CDH2: variants seen among roughly 807,000 people sequenced by gnomAD.
CDH2 encodes cadherin-2.
CDH2 carries 17 observed loss-of-function variants against 92.0 expected under a neutral mutation model. The observed-to-expected ratio is 0.18, with a 90% CI of 0.13 to 0.28. The LOEUF is 0.28. Among genes scored for constraint, CDH2 ranks in the 10% least tolerant of loss-of-function variants. The pLI is 1.00. For missense variants in CDH2, 862 were observed against 1,133.1 expected, an observed-to-expected ratio of 0.76 and a Z score of 3.44; for synonymous variants, 419 against 415.9, an observed-to-expected ratio of 1.01 and a Z score of -0.09.
chr18:28,152,040 G>A (rs1248804913), intron 1 of CDH2, among the ~76,000 whole-genome samples: 1 of 152,126 alleles, frequency 6.6e-6, no homozygotes, highest in African/African-American at 2.4e-5. Flanking sequence ...ATTTGAAAAT[G>A]TAAAAAATAT....
At chr18:27,968,282 C>A (rs544382619) in intron 14 of CDH2, among the ~76,000 whole-genome samples, 4 of 152,236 alleles carry the variant, frequency 2.6e-5, no homozygotes, top group African/African-American at 9.6e-5. Context: ...CACTTAAGCA[C>A]GTCAAAAGAT....
intron 3 of CDH2, among the ~76,000 whole-genome samples, chr18:28,012,197 T>C (rs1326653807): frequency 1.3e-5 from 2 of 152,190 alleles, no homozygotes; most frequent in Non-Finnish European, 2.9e-5. Flanking sequence ...TCTGAAAAAT[T>C]GAATTCTAAA....
At chr18:27,955,573 C>T (rs1909672125) in intron 15 of CDH2, among the ~76,000 whole-genome samples, 1 of 151,658 alleles carries the variant, frequency 6.6e-6, no homozygotes, top group African/African-American at 2.4e-5. Flanking sequence ...GTTCACGGAC[C>T]CCAGGACTCT....
intron 2 of CDH2, among the ~76,000 whole-genome samples, chr18:28,144,129 C>T (rs761157809): frequency 6.0e-5 from 9 of 151,040 alleles, no homozygotes; most frequent in Middle Eastern, 3.4e-3. Flanking sequence ...CAAACCTGCA[C>T]GTTCTGCACA....
intron 1 of CDH2, among the ~76,000 whole-genome samples, chr18:28,167,467 T>A (rs1010915734): frequency 2.6e-5 from 4 of 152,184 alleles, no homozygotes; most frequent in Non-Finnish European, 5.9e-5. Context: ...TTTGTGACAA[T>A]TACAAATACA....
chr18:27,954,587 G>A (rs1485978015), intron 15 of CDH2: 2 of 152,124 alleles, frequency 1.3e-5, no homozygotes, highest in African/African-American at 4.8e-5. Context: ...TATGGATCAG[G>A]AACTGAGTCA....
chr18:27,987,906 T>TGA (rs1349786813), intron 11 of CDH2, among the ~76,000 whole-genome samples: 2 of 152,172 alleles, frequency 1.3e-5, no homozygotes, highest in Admixed American at 6.5e-5. Flanking sequence ...CACATCGTAC[T>TGA]GAGAGCTAAC....
intron 2 of CDH2, among the ~76,000 whole-genome samples, chr18:28,142,976 TTC>T (rs1450127621): frequency 3.3e-5 from 5 of 152,194 alleles, no homozygotes; most frequent in African/African-American, 1.2e-4. Flanking sequence ...AGTACTTCAG[TTC>T]TGTTATCTTA....
intron 2 of CDH2, among the ~76,000 whole-genome samples, chr18:28,053,693 G>T (rs1195427831): frequency 6.6e-6 from 1 of 152,156 alleles, no homozygotes; most frequent in Non-Finnish European, 1.5e-5. Context: ...TCTGAGGGCT[G>T]CCCGTTTCAA....
Position 28,161,064 on chromosome 18 carries a change from C to T in CDH2, c.61-13280G>A, listed in dbSNP as rs111940404. ...AAGCTTGCAGATTATAGACAAGAGG[C>T]TTAGACTGACCAGCATCCAGGAAAG... On this transcript the variant is annotated intron_variant, in intron 1 of 15. Transcript: ENST00000269141. Among the ~76,000 whole-genome samples the T allele has an allele frequency of 9.3e-3, 1,416 of 152,264 alleles. 7 individuals are homozygous for T. The highest frequency in any genetic ancestry group is 0.017 in the Middle Eastern group (5 of 294).
intron 14 of CDH2, among the ~76,000 whole-genome samples, chr18:27,978,977 T>C (rs1266307193): frequency 6.6e-6 from 1 of 151,444 alleles, no homozygotes; most frequent in Admixed American, 6.6e-5. Flanking sequence ...AATAGAAACA[T>C]GAGCACTAAC....
intron 1 of CDH2, among the ~76,000 whole-genome samples, chr18:28,150,279 C>CG (rs778878917): frequency 6.6e-6 from 1 of 152,110 alleles, no homozygotes; most frequent in Non-Finnish European, 1.5e-5. Flanking sequence ...ACGGAGCAGA[C>CG]GGGGGTCACG....
At chr18:28,090,072 G>A (rs1180139719) in intron 2 of CDH2, among the ~76,000 whole-genome samples, 2 of 152,210 alleles carry the variant, frequency 1.3e-5, no homozygotes, top group African/African-American at 4.8e-5. Context: ...AGAACTTGGA[G>A]ATCAATTAGT....
At chr18:28,033,975 T>C (rs1209531567) in intron 2 of CDH2, among the ~76,000 whole-genome samples, 5 of 152,250 alleles carry the variant, frequency 3.3e-5, no homozygotes, top group Non-Finnish European at 5.9e-5. Flanking sequence ...CATTTTATAC[T>C]CAATTGAGCC....
At chr18:28,163,769 T>C (rs910581743) in intron 1 of CDH2, among the ~76,000 whole-genome samples, 1 of 152,226 alleles carries the variant, frequency 6.6e-6, no homozygotes, top group African/African-American at 2.4e-5. Flanking sequence ...ATACATTATA[T>C]ATACACATGC....
At position 28,177,044 on chromosome 18, in the gene CDH2, G is replaced by A; in HGVS notation, c.-22C>T. 6.7e-7 allele frequency: 1 copy of A among 1,484,280 alleles called. No individual in the cohort carries two copies. Among genetic ancestry groups the A allele is most frequent in the Non-Finnish European group, 8.9e-7 (1 of 1,120,228 alleles). The allele number at this position is 1,484,280 out of a possible 1,614,324, so 91.9% of individuals were successfully genotyped here. On this transcript the variant is annotated 5_prime_UTR_variant, in exon 1 of 16. Transcript: ENST00000269141. ...ACATGGAGGCGGAGAGGGGCCGAGC[G>A]AAGAGCCGGAGGAGGCGGCGGCGGC...
chr18:28,130,402 T>C (rs1001803520), intron 2 of CDH2, among the ~76,000 whole-genome samples: 3 of 152,238 alleles, frequency 2.0e-5, no homozygotes, highest in East Asian at 1.9e-4. Flanking sequence ...AAATGGAGTA[T>C]ATCACAGTCA....
intron 14 of CDH2, 165 bp from the exon 15 acceptor site, chr18:27,963,686 T>C (rs1163017681): frequency 1.7e-6 from 1 of 600,310 alleles, no homozygotes; most frequent in East Asian, 2.8e-5. Flanking sequence ...AATATTTCTT[T>C]CACACAGCTC....
At chr18:27,939,610 C>T (rs1295318229) in intron 6 of CDH2, among the ~76,000 whole-genome samples, 1 of 152,178 alleles carries the variant, frequency 6.6e-6, no homozygotes, top group African/African-American at 2.4e-5. Flanking sequence ...GAGCTCACCT[C>T]TTTTCACATT....
Sources: gnomAD v4.1 joint callset for allele counts (sites outside exome capture counted in the v4.1 genomes callset) on GRCh38, gnomAD v4.1.1 for gene constraint, MANE v1.5 for transcripts, NCBI Gene and HGNC (gene_info 2026-07-23, HGNC 2026-07-21) for gene names.